Variants in GCH1 observed in about 807,000 individuals in gnomAD.
GCH1 encodes GTP cyclohydrolase I.
GCH1 carries 5 observed loss-of-function variants against 25.9 expected under a neutral mutation model. The ratio of observed to expected loss-of-function variants is 0.19; its 90% CI spans 0.10 to 0.41. The LOEUF is 0.41. Among genes scored for constraint, GCH1 ranks in the 10% least tolerant of loss-of-function variants. GCH1 has a pLI of 1.00. For missense variants in GCH1, 261 were observed against 336.5 expected (o/e 0.78, Z 1.75); for synonymous variants, 159 against 129.6 (o/e 1.23, Z -1.54).
At chr14:54,867,927 C>A (rs1213226497) in intron 1 of GCH1, among the ~76,000 whole-genome samples, 1 of 152,078 alleles carries the variant, frequency 6.6e-6, no homozygotes. Context: ...GGTGGAGAAA[C>A]CTGGCAGAGG....
intron 3 of GCH1, among the ~76,000 whole-genome samples, chr14:54,855,862 G>C (rs2039803446): frequency 6.6e-6 from 1 of 152,108 alleles, no homozygotes; most frequent in Non-Finnish European, 1.5e-5. Context: ...TTGTAGTACA[G>C]AATATAAGAT....
chr14:54,843,116 T>A lies in GCH1; in HGVS notation c.*901A>T, dbSNP rs930893834. 13 of 1,492,854 alleles carry A rather than the reference T, an allele frequency of 8.7e-6. No individual in the cohort carries two copies. In the African/African-American group the frequency reaches 1.9e-4, roughly 22 times the overall value. The allele number at this position is 1,492,854 out of a possible 1,614,324, so 92.5% of individuals were successfully genotyped here. A position where few individuals can be genotyped will look rare whatever the true frequency, so the allele number is the denominator to read the frequency against. On this transcript the variant is annotated 3_prime_UTR_variant, in exon 6 of 6. Coordinates refer to ENST00000491895, the MANE Select transcript of GCH1 (RefSeq NM_000161.3). ...TACTTAGAAAAATATCTTATAAGAT[T>A]AAAAAAAAGAAGAAGAAGAAACATT...
Position 54,844,010 on chromosome 14 carries a change from A to G in GCH1, c.*7T>C, listed in dbSNP as rs1236135362. ...TCGGCAACCAACGCACACACACTGA[A>G]TGAAGCTCAGCTCCTAATGAGAGTC... On this transcript the variant is annotated 3_prime_UTR_variant, in exon 6 of 6. Transcript: ENST00000491895. The G allele has an allele frequency of 6.8e-6, 11 of 1,614,232 alleles. No individual in the cohort carries two copies. Among genetic ancestry groups the G allele is most frequent in the Non-Finnish European group, 8.5e-6 (10 of 1,180,026 alleles).
At chr14:54,863,019 A>C (rs565495969) in intron 2 of GCH1, among the ~76,000 whole-genome samples, 1 of 152,330 alleles carries the variant, frequency 6.6e-6, no homozygotes, top group South Asian at 2.1e-4. Context: ...AAACAAACCA[A>C]GAGTAAACAT....
chr14:54,896,688 G>A (rs1477602166), intron 1 of GCH1, among the ~76,000 whole-genome samples: 1 of 151,564 alleles, frequency 6.6e-6, no homozygotes, highest in African/African-American at 2.4e-5. Flanking sequence ...CGAGGCGGGC[G>A]GATCACAAAG....
At chr14:54,876,466 C>T (rs1489812042) in intron 1 of GCH1, among the ~76,000 whole-genome samples, 1 of 151,614 alleles carries the variant, frequency 6.6e-6, no homozygotes, top group African/African-American at 2.4e-5. Flanking sequence ...ACATTGTGCA[C>T]ATGTACCCTA....
In GCH1 at chr14:54,873,886, T is replaced by A. The variant is rs139849324; in HGVS notation, c.344-8450A>T. ...CCAACCAAAAAAATCCAGGACCAGA[T>A]GGATTCACAGCCGAATTCTACCAGA... On this transcript the variant is annotated intron_variant, in intron 1 of 5. Transcript: ENST00000491895. Among the ~76,000 whole-genome samples the A allele has an allele frequency of 2.9e-3, 436 of 152,290 alleles. 3 individuals carry two copies. Among genetic ancestry groups the A allele is most frequent in the African/African-American group, 9.8e-3 (409 of 41,548 alleles).
chr14:54,860,791 G>C (rs1195172804), intron 2 of GCH1, among the ~76,000 whole-genome samples: 1 of 151,932 alleles, frequency 6.6e-6, no homozygotes, highest in East Asian at 1.9e-4. Context: ...TGCCCGCCTC[G>C]GCCTCCCAAA....
chr14:54,854,024 T>C (rs1594977710), intron 3 of GCH1, among the ~76,000 whole-genome samples: 1 of 152,350 alleles, frequency 6.6e-6, no homozygotes, highest in African/African-American at 2.4e-5. Flanking sequence ...AACGTATTCA[T>C]CAAGATGTAA....
At chr14:54,892,806 C>T (rs995153362) in intron 1 of GCH1, among the ~76,000 whole-genome samples, 29 of 152,012 alleles carry the variant, frequency 1.9e-4, no homozygotes, top group Middle Eastern at 6.8e-3. Flanking sequence ...CGGCCGGGTG[C>T]GGTGGCTCAT....
At chr14:54,886,966 G>GAGAGC (rs1443443333) in intron 1 of GCH1, among the ~76,000 whole-genome samples, 2 of 152,240 alleles carry the variant, frequency 1.3e-5, no homozygotes, top group Non-Finnish European at 2.9e-5. Context: ...TGTCAGCCAG[G>GAGAGC]AGAGCAGAGC....
chr14:54,884,798 AC>A (rs200985322), intron 1 of GCH1: 41 of 149,214 alleles, frequency 2.7e-4, no homozygotes, highest in Non-Finnish European at 3.5e-4. Flanking sequence ...AACAACAACA[AC>A]AAAAAAAAAG....
At chr14:54,853,239 T>A (rs1410235471) in intron 3 of GCH1, among the ~76,000 whole-genome samples, 3 of 152,208 alleles carry the variant, frequency 2.0e-5, no homozygotes, top group Admixed American at 6.5e-5. Context: ...GCTGAGATTA[T>A]AGGCATGATC....
chr14:54,847,166 T>TAA (rs747241686), intron 3 of GCH1, 36 bp from the exon 4 acceptor site: 1 of 848,196 alleles, frequency 1.2e-6, no homozygotes, highest in East Asian at 2.6e-5. Context: ...TAATCACAAA[T>TAA]CATTTGAAGT....
chr14:54,852,680 G>C (rs1383120639), intron 3 of GCH1, among the ~76,000 whole-genome samples: 2 of 152,148 alleles, frequency 1.3e-5, no homozygotes, highest in Admixed American at 1.3e-4. Context: ...ATTATTCCAG[G>C]ACTGTTATAT....
rs138196765 is a variant in GCH1, at chr14:54,893,071, T to C, written c.343+9250A>G. 8.0e-3 allele frequency among the ~76,000 whole-genome samples: 1,218 copies of C among 152,328 alleles called. 9 individuals are homozygous for C. Among genetic ancestry groups the C allele is most frequent in the Middle Eastern group, 0.02 (6 of 294 alleles). On this transcript the variant is annotated intron_variant, in intron 1 of 5. Transcript: ENST00000491895. ...TCCAGCCTGGGTGACAGAGCAAGAC[T>C]CTGCCTCCAAATAAATAAATATTTC...
intron 1 of GCH1, among the ~76,000 whole-genome samples, chr14:54,867,286 G>A (rs557666158): frequency 3.3e-5 from 5 of 152,036 alleles, no homozygotes; most frequent in Admixed American, 6.6e-5. Context: ...CAACTCAGGC[G>A]AAGTGAAGAG....
At chr14:54,902,250 A>G in intron 1 of GCH1, 71 bp downstream of exon 1, 2 of 1,519,524 alleles carry the variant, frequency 1.3e-6, no homozygotes, top group East Asian at 2.3e-5. Flanking sequence ...AACTTCCTGG[A>G]GCCGGCGCGC....
chr14:54,901,885 A>T (rs2040570713), intron 1 of GCH1, among the ~76,000 whole-genome samples: 1 of 152,086 alleles, frequency 6.6e-6, no homozygotes, highest in African/African-American at 2.4e-5. Context: ...CACCCTGACA[A>T]TGGGATCTCA....
Sources: gnomAD v4.1 joint callset for allele counts (sites outside exome capture counted in the v4.1 genomes callset) on GRCh38, gnomAD v4.1.1 for gene constraint, MANE v1.5 for transcripts, NCBI Gene and HGNC (gene_info 2026-07-23, HGNC 2026-07-21) for gene names.